The following TPRG1 variants were observed in gnomAD, a reference collection of about 807,000 sequenced individuals.
TPRG1 encodes tumor protein p63 regulated 1, also known as tumor protein p63-regulated gene 1 protein.
A neutral mutation model predicts 29.3 loss-of-function variants in TPRG1; 29 were observed. The observed-to-expected ratio is 0.99, with a 90% CI of 0.74 to 1.35. The LOEUF is 1.35. Among genes scored for constraint, TPRG1 ranks in the 40% most tolerant of loss-of-function variants. The probability of loss-of-function intolerance (pLI) is 0.00; values close to 1 mark genes in which losing one functional copy is unlikely to be tolerated. For synonymous variants in TPRG1, 130 were observed against 116.8 expected (o/e 1.11, Z -0.73); for missense variants, 327 against 335.0 (o/e 0.98, Z 0.19).
At chr3:189,012,375 A>T (rs1712646499) in intron 3 of TPRG1, among the ~76,000 whole-genome samples, 1 of 5,362 alleles carries the variant, frequency 1.9e-4, no homozygotes, top group Non-Finnish European at 2.6e-3. Flanking sequence ...CCTTTTCTGC[A>T]TTTGAGATAA....
intron 1 of TPRG1, among the ~76,000 whole-genome samples, chr3:189,106,391 T>C (rs1211615358): frequency 6.6e-6 from 1 of 152,152 alleles, no homozygotes; most frequent in Admixed American, 6.5e-5. Context: ...TTAATTATCT[T>C]GTTGCCCCCG....
intron 1 of TPRG1, among the ~76,000 whole-genome samples, chr3:189,201,656 T>A (rs889455558): frequency 6.6e-6 from 1 of 152,152 alleles, no homozygotes; most frequent in Non-Finnish European, 1.5e-5. Context: ...GTTGTTTTTT[T>A]ATTTTTTTTG....
intron 2 of TPRG1, among the ~76,000 whole-genome samples, chr3:189,209,286 G>A (rs1734894544): frequency 6.6e-6 from 1 of 152,164 alleles, no homozygotes; most frequent in African/African-American, 2.4e-5. Flanking sequence ...CACAGTGCAT[G>A]GTGACCTGCA....
intron 1 of TPRG1, among the ~76,000 whole-genome samples, chr3:189,188,616 T>C (rs1731265623): frequency 6.6e-6 from 1 of 152,210 alleles, no homozygotes; most frequent in South Asian, 2.1e-4. Flanking sequence ...AACTAAGGGC[T>C]TTGTTCTCAG....
chr3:189,041,765 G>A (rs1344961260), intron 4 of TPRG1, among the ~76,000 whole-genome samples: 1 of 152,196 alleles, frequency 6.6e-6, no homozygotes, highest in Admixed American at 6.5e-5. Flanking sequence ...GAGGCGAAGG[G>A]TTGGGGAAAA....
chr3:189,088,838 AT>A (rs1375783944), intron 4 of TPRG1, among the ~76,000 whole-genome samples: 2 of 152,208 alleles, frequency 1.3e-5, no homozygotes, highest in Admixed American at 1.3e-4. Flanking sequence ...AGTAAGTAAT[AT>A]ATCTTTTTCG....
intron 4 of TPRG1, among the ~76,000 whole-genome samples, chr3:189,269,605 GA>G (rs1009205593): frequency 2.7e-4 from 41 of 150,200 alleles, no homozygotes; most frequent in South Asian, 4.2e-4. Context: ...ATTCATTGCA[GA>G]AAAAAAAACC....
In TPRG1 at chr3:189,238,823, T is replaced by C. The variant is rs551614699; in HGVS notation, c.393T>C (p.Ser131=). 16 of 1,613,604 alleles carry C rather than the reference T, an allele frequency of 9.9e-6. No individual in the cohort carries two copies. In the African/African-American group the frequency reaches 2.1e-4, roughly 22 times the overall value. ...LICKYDFIML[S]CVQLQRIPLS... is the part of the protein sequence containing the mutation. ...GCAAATACGACTTCATCATGCTGAG[T>C]TGTGTGCAGCTGCAGCGGATTCCTC... Residue 131 remains serine (S), a synonymous_variant, in exon 4 of 6, where the codon AGT becomes AGC. Transcript: ENST00000345063.
At chr3:189,120,252 A>G (rs980487363) in intron 1 of TPRG1, 1 of 152,222 alleles carries the variant, frequency 6.6e-6, no homozygotes, top group African/African-American at 2.4e-5. Context: ...ATGCTAGATG[A>G]AAGAAAACAA....
chr3:189,165,951 TC>T (rs1270313205), intron 5 of TPRG1, among the ~76,000 whole-genome samples: 2 of 152,084 alleles, frequency 1.3e-5, no homozygotes, highest in African/African-American at 4.8e-5. Flanking sequence ...TCCCTCCCTC[TC>T]CCCAGGTGAT....
At chr3:189,033,218 A>G (rs1377074036) in intron 4 of TPRG1, among the ~76,000 whole-genome samples, 1 of 151,884 alleles carries the variant, frequency 6.6e-6, no homozygotes, top group Admixed American at 6.6e-5. Context: ...CAGGTTCTCT[A>G]TTACTACAGA....
chr3:189,038,144 T>G (rs1011769534), intron 4 of TPRG1, among the ~76,000 whole-genome samples: 1 of 151,762 alleles, frequency 6.6e-6, no homozygotes, highest in Non-Finnish European at 1.5e-5. Context: ...TCTATTATTA[T>G]ATAACCATAA....
chr3:189,019,435 G>C (rs1337643636), intron 3 of TPRG1, among the ~76,000 whole-genome samples: 2 of 152,164 alleles, frequency 1.3e-5, no homozygotes, highest in Non-Finnish European at 2.9e-5. Context: ...AGAGTTTTTA[G>C]CATGAAGAGT....
chr3:189,161,283 T>A (rs1231352023), intron 5 of TPRG1, among the ~76,000 whole-genome samples: 1 of 152,200 alleles, frequency 6.6e-6, no homozygotes, highest in Non-Finnish European at 1.5e-5. Context: ...ATAGAAGCAG[T>A]ACATCATGGA....
At chr3:189,033,197 A>T (rs1354140339) in intron 4 of TPRG1, among the ~76,000 whole-genome samples, 1 of 152,178 alleles carries the variant, frequency 6.6e-6, no homozygotes, top group Non-Finnish European at 1.5e-5. Context: ...GCTTTGTACC[A>T]AACTAAAAGC....
At chr3:189,073,697 C>T (rs960550154) in intron 4 of TPRG1, among the ~76,000 whole-genome samples, 2 of 152,116 alleles carry the variant, frequency 1.3e-5, no homozygotes, top group Non-Finnish European at 2.9e-5. Flanking sequence ...CACATTCTCC[C>T]TTATTCTTTA....
intron 3 of TPRG1, among the ~76,000 whole-genome samples, chr3:189,223,332 C>T (rs1232503730): frequency 2.0e-5 from 3 of 152,162 alleles, no homozygotes; most frequent in African/African-American, 7.2e-5. Flanking sequence ...AGCATTCAGG[C>T]TAGAAAGTGC....
chr3:189,140,143 T>C (rs1192476310), intron 3 of TPRG1, among the ~76,000 whole-genome samples: 3 of 152,182 alleles, frequency 2.0e-5, no homozygotes, highest in Non-Finnish European at 4.4e-5. Flanking sequence ...GGAAAGAAGG[T>C]GAAGGACTCA....
intron 4 of TPRG1, among the ~76,000 whole-genome samples, chr3:189,267,061 A>G (rs1213398444): frequency 6.6e-6 from 1 of 152,218 alleles, no homozygotes; most frequent in African/African-American, 2.4e-5. Flanking sequence ...GTCACAGACC[A>G]CATATATGAT....
Sources: gnomAD v4.1 joint callset for allele counts (sites outside exome capture counted in the v4.1 genomes callset) on GRCh38, gnomAD v4.1.1 for gene constraint, MANE v1.5 for transcripts, NCBI Gene and HGNC (gene_info 2026-07-23, HGNC 2026-07-21) for gene names.